The following DOCK7 variants were observed in gnomAD, a reference collection of about 807,000 sequenced individuals.
DOCK7 encodes dedicator of cytokinesis protein 7.
A neutral mutation model predicts 271.0 loss-of-function variants in DOCK7; 138 were observed. The observed-to-expected ratio is 0.51, with a 90% CI of 0.44 to 0.59. The LOEUF is 0.59. Ranked by LOEUF, DOCK7 falls within the 20% of genes least tolerant of loss-of-function variation. DOCK7 has a pLI of 0.00. For synonymous variants in DOCK7, 823 were observed against 876.1 expected, an observed-to-expected ratio of 0.94 and a Z score of 1.07; for missense variants, 2,066 against 2,592.4, an observed-to-expected ratio of 0.80 and a Z score of 4.41.
chr1:62,657,869 C>G (rs1571924189), intron 2 of DOCK7, among the ~76,000 whole-genome samples: 1 of 151,636 alleles, frequency 6.6e-6, no homozygotes, highest in East Asian at 1.9e-4. Context: ...AAAAGAAAAA[C>G]AGAGTGAAAA....
Position 62,539,628 on chromosome 1 carries a change from T to C in DOCK7, c.3217A>G (p.Ser1073Gly), listed in dbSNP as rs1427662590. ...AGATCATTGAGAAAGAATGCAAGGCTTGTATTGAGTCTCTCAACCATTTCT... is the reference window on the plus strand; with the variant it reads ...AGATCATTGAGAAAGAATGCAAGGCCTGTATTGAGTCTCTCAACCATTTCT... ...DTEMVERLNT[S>G]LAFFLNDLLS... Residue 1073 changes from serine (S) to glycine (G), a missense_variant, in exon 27 of 50, where the codon AGC becomes GGC. Transcript: ENST00000635253. The C allele has an allele frequency of 2.5e-6, 4 of 1,613,726 alleles. No homozygotes were observed. Among genetic ancestry groups the C allele is most frequent in the Admixed American group, 1.7e-5 (1 of 59,954 alleles).
At chr1:62,472,523 C>T (rs1645861159) in intron 48 of DOCK7, among the ~76,000 whole-genome samples, 1 of 152,100 alleles carries the variant, frequency 6.6e-6, no homozygotes, top group Admixed American at 6.6e-5. Context: ...AAAAGAAGGA[C>T]ATTTAAGAAT....
chr1:62,671,164 G>C (rs943243972), intron 1 of DOCK7, among the ~76,000 whole-genome samples: 1 of 152,064 alleles, frequency 6.6e-6, no homozygotes. Flanking sequence ...GACTCCAGAC[G>C]CGCCACCTTA....
intron 18 of DOCK7, among the ~76,000 whole-genome samples, chr1:62,576,832 T>A (rs1401810626): frequency 6.6e-6 from 1 of 152,220 alleles, no homozygotes; most frequent in African/African-American, 2.4e-5. Flanking sequence ...TTGTTTTCAT[T>A]CACATGATCT....
intron 31 of DOCK7, among the ~76,000 whole-genome samples, chr1:62,523,727 C>G (rs1437333559): frequency 2.0e-5 from 3 of 152,010 alleles, no homozygotes; most frequent in Non-Finnish European, 4.4e-5. Context: ...ATTAGCCAGG[C>G]ATGGTGGCGG....
At chr1:62,632,925 C>A (rs1371282120) in intron 10 of DOCK7, among the ~76,000 whole-genome samples, 1 of 151,656 alleles carries the variant, frequency 6.6e-6, no homozygotes, top group African/African-American at 2.4e-5. Context: ...TGCAGTGGGC[C>A]AAGATCCTGC....
intron 18 of DOCK7, among the ~76,000 whole-genome samples, chr1:62,576,079 A>G (rs549683518): frequency 2.9e-4 from 44 of 152,304 alleles, no homozygotes; most frequent in Admixed American, 6.5e-4. Flanking sequence ...CATTAATCTA[A>G]TAAGTATATA....
In DOCK7 at chr1:62,618,793, T is replaced by C; in HGVS notation, c.1595A>G (p.Lys532Arg). Reference protein sequence around the residue: ...YCLTPELLQVKLYPDSRVRPT... With the variant: ...YCLTPELLQVRLYPDSRVRPT... Reference sequence around the variant, plus strand: ...TCTAACTCTACTGTCAGGGTAAAGCTTCACTTGAAGCAGCTCCGGAGTTAG... The same window carrying C: ...TCTAACTCTACTGTCAGGGTAAAGCCTCACTTGAAGCAGCTCCGGAGTTAG... Residue 532 changes from lysine to arginine, a missense_variant, in exon 14 of 50, where the codon AAG becomes AGG. Lys to Arg is a conservative substitution (Grantham distance 26). Coordinates refer to ENST00000635253, the MANE Select transcript of DOCK7 (RefSeq NM_001367561.1). 3 of 1,613,790 alleles carry C rather than the reference T, an allele frequency of 1.9e-6. No homozygotes were observed. Among genetic ancestry groups the C allele is most frequent in the Non-Finnish European group, 2.5e-6 (3 of 1,179,708 alleles).
chr1:62,601,155 C>T (rs1427453882), intron 14 of DOCK7: 1 of 1,610,628 alleles, frequency 6.2e-7, no homozygotes, highest in African/African-American at 1.3e-5. Context: ...AGAACTACTC[C>T]CTTTCTTCAG....
At chr1:62,508,370 T>C (rs946455129) in intron 34 of DOCK7, among the ~76,000 whole-genome samples, 16 of 152,340 alleles carry the variant, frequency 1.1e-4, no homozygotes, top group African/African-American at 3.8e-4. Context: ...GGTGGTGCTA[T>C]GTGGGCTTGT....
At position 62,582,939 on chromosome 1, in the gene DOCK7, A is replaced by G. The variant is rs573836853; in HGVS notation, c.1871+245T>C. ...GGACCAGCGGCCACAATGATAATCAATAACAATATAATAAAAATGAAAGGA... is the reference window on the plus strand; with the variant it reads ...GGACCAGCGGCCACAATGATAATCAGTAACAATATAATAAAAATGAAAGGA... On this transcript the variant is annotated intron_variant, in intron 16 of 49. Transcript: ENST00000635253. Among the ~76,000 whole-genome samples, 6 of 152,374 alleles carry G rather than the reference A, an allele frequency of 3.9e-5. No homozygotes were observed. In the South Asian group the frequency reaches 6.2e-4, roughly 16 times the overall value.
rs533948957 is a variant in DOCK7, at chr1:62,519,327, A to G, written c.3937-5429T>C. ...AAGAATATTCATTCTTTTAGAATAC[A>G]TGAGATATTTACAAAAACTGACCAT... On this transcript the variant is annotated intron_variant, in intron 31 of 49. Transcript: ENST00000635253. Among the ~76,000 whole-genome samples, 10 of 152,324 alleles carry G rather than the reference A, an allele frequency of 6.6e-5. No individual in the cohort carries two copies. The South Asian group carries it at 1.9e-3, about 28-fold the overall frequency.
chr1:62,641,475 T>C (rs1300304899), intron 7 of DOCK7: 1 of 432,994 alleles, frequency 2.3e-6, no homozygotes, highest in Non-Finnish European at 4.7e-6. Context: ...ATGCTTCACA[T>C]GGTCCACCAA....
rs143591747 is a variant in DOCK7, at chr1:62,656,955, C to G, written c.145-2796G>C. Among the ~76,000 whole-genome samples the G allele has an allele frequency of 2.4e-3, 372 of 152,316 alleles. 1 individual carries two copies. The highest frequency in any genetic ancestry group is 3.9e-3 in the Non-Finnish European group (265 of 68,038). The stretch of plus-strand genomic sequence containing the variant: ...TGTAACAAGGCATCCCAACTCTCCC[C>G]ACCAGGGTAGTATCAGAGAAGCACA... On this transcript the variant is annotated intron_variant, in intron 2 of 49. Transcript: ENST00000635253.
intron 48 of DOCK7, among the ~76,000 whole-genome samples, chr1:62,462,140 A>C (rs1015904749): frequency 3.3e-5 from 5 of 152,072 alleles, no homozygotes; most frequent in African/African-American, 4.8e-5. Flanking sequence ...AATGTACAAG[A>C]CCTCTACACA....
chr1:62,474,141 G>C, intron 47 of DOCK7, 53 bp from the exon 48 acceptor site: 9 of 1,461,178 alleles, frequency 6.2e-6, no homozygotes, highest in Non-Finnish European at 8.5e-6. Flanking sequence ...TAAAATCACA[G>C]AGACAGAATT....
At chr1:62,495,498 GTGTT>G (rs1646594499) in intron 39 of DOCK7, 79 bp downstream of exon 39, 3 of 773,566 alleles carry the variant, frequency 3.9e-6, no homozygotes, top group East Asian at 3.2e-5. Flanking sequence ...TCATTTTTGT[GTGTT>G]TATTTTTTTC....
intron 12 of DOCK7, among the ~76,000 whole-genome samples, chr1:62,620,883 C>CAAAA (rs767181280): frequency 1.6e-4 from 5 of 31,118 alleles, no homozygotes; most frequent in Admixed American, 1.3e-3. Context: ...GACTCCGTCT[C>CAAAA]AAAAAAAAAA....
At chr1:62,540,862 T>C (rs552823054) in intron 25 of DOCK7, among the ~76,000 whole-genome samples, 3 of 32,764 alleles carry the variant, frequency 9.2e-5, no homozygotes, top group African/African-American at 2.5e-4. Flanking sequence ...AAATTACAAT[T>C]TTTACCTTAC....
Sources: gnomAD v4.1 joint callset for allele counts (sites outside exome capture counted in the v4.1 genomes callset) on GRCh38, gnomAD v4.1.1 for gene constraint, MANE v1.5 for transcripts, NCBI Gene and HGNC (gene_info 2026-07-23, HGNC 2026-07-21) for gene names.